PRKCE: variants seen among roughly 807,000 people sequenced by gnomAD.
PRKCE encodes protein kinase C epsilon.
In PRKCE, 16 loss-of-function variants were observed where a neutral mutation model predicts 85.4. That is an observed-to-expected ratio of 0.19 (90% confidence interval 0.13 to 0.28). PRKCE has a LOEUF of 0.28. PRKCE is among the 10% of genes least tolerant of loss of function. The pLI, the probability that PRKCE is intolerant of heterozygous loss-of-function variation, is 1.00. For missense variants in PRKCE, 573 were observed against 975.2 expected (o/e 0.59, Z 5.49); for synonymous variants, 388 against 371.5 (o/e 1.04, Z -0.51).
At position 46,004,835 on chromosome 2, in the gene PRKCE, T is replaced by G. The variant is rs1349811240; in HGVS notation, c.1063+197T>G. Among the ~76,000 whole-genome samples the G allele has an allele frequency of 6.6e-6, 1 of 152,182 alleles. No homozygotes were observed. The highest frequency in any genetic ancestry group is 1.5e-5 in the Non-Finnish European group (1 of 68,034). On this transcript the variant is annotated intron_variant, in intron 8 of 14. Coordinates refer to ENST00000306156, the MANE Select transcript of PRKCE (RefSeq NM_005400.3). This position sits in a 1 kb window ranked among gnomAD's most constrained non-coding sequence, Gnocchi z 4.1. ...ACCTTCTTGAGGGCTGGGCACTCCA[T>G]GGCCATATCTGCCTTAATTTCCTTC...
chr2:45,868,872 C>T (rs1485014096), intron 2 of PRKCE, among the ~76,000 whole-genome samples: 1 of 150,818 alleles, frequency 6.6e-6, no homozygotes, highest in African/African-American at 2.4e-5. Flanking sequence ...ACAGAAGAAT[C>T]TCTTGAATCT....
rs1056869641 is a variant in PRKCE, at chr2:46,138,956, T to C, written c.1593-6137T>C. Among the ~76,000 whole-genome samples, 1 of 152,168 alleles carries C rather than the reference T, an allele frequency of 6.6e-6. No homozygotes were observed. The highest frequency in any genetic ancestry group is 2.4e-5 in the African/African-American group (1 of 41,442). The stretch of plus-strand genomic sequence containing the variant: ...CACCTTCCTATAGCCCACATCCCAG[T>C]TGGCTCTTGGCACTGGGGGAGGAAG... On this transcript the variant is annotated intron_variant, in intron 11 of 14. Coordinates refer to ENST00000306156, the MANE Select transcript of PRKCE (RefSeq NM_005400.3). This position sits in a 1 kb window ranked among gnomAD's most constrained non-coding sequence, Gnocchi z 4.2.
intron 2 of PRKCE, among the ~76,000 whole-genome samples, chr2:45,926,032 C>T (rs1307165140): frequency 6.6e-6 from 1 of 152,238 alleles, no homozygotes; most frequent in African/African-American, 2.4e-5. Flanking sequence ...GTGCCACCCA[C>T]TTTGGCTTGG....
intron 2 of PRKCE, among the ~76,000 whole-genome samples, chr2:45,891,806 C>T (rs1695743086): frequency 6.6e-6 from 1 of 152,214 alleles, no homozygotes; most frequent in Admixed American, 6.5e-5. Context: ...CCATGTGCAC[C>T]TGTTGTTCTT....
At position 46,184,434 on chromosome 2, in the gene PRKCE, AACACACAC is replaced by A. The variant is rs3834107; in HGVS notation, c.2068-280_2068-273del. On this transcript the variant is annotated intron_variant, in intron 14 of 14. Coordinates refer to ENST00000306156, the MANE Select transcript of PRKCE (RefSeq NM_005400.3). The surrounding 1 kb of genome is among the most constrained non-coding windows in gnomAD (Gnocchi z 5.0). Reference sequence around the variant, plus strand: ...GGGACCTTTGCATCATACACACACAAACACACACACACACACACACACACACACGTCTG... The same window carrying A: ...GGGACCTTTGCATCATACACACACAAACACACACACACACACACACGTCTG... Among the ~76,000 whole-genome samples, 16 of 149,196 alleles carry A rather than the reference AACACACAC, an allele frequency of 1.1e-4. No individual in the cohort carries two copies. Among genetic ancestry groups the A allele is most frequent in the South Asian group, 6.4e-4 (3 of 4,674 alleles).
chr2:46,096,652 C>T (rs1009599858), intron 11 of PRKCE, among the ~76,000 whole-genome samples: 3 of 152,200 alleles, frequency 2.0e-5, no homozygotes, highest in African/African-American at 7.2e-5. Flanking sequence ...ACCCTGCCAG[C>T]ACCTTGGTCT....
chr2:45,875,729 T>C (rs1168715268), intron 2 of PRKCE, among the ~76,000 whole-genome samples: 1 of 152,224 alleles, frequency 6.6e-6, no homozygotes, highest in Non-Finnish European at 1.5e-5. Context: ...TCCCTGGAAG[T>C]GTTCACACAA....
chr2:45,765,900 C>G (rs900451130), intron 1 of PRKCE, among the ~76,000 whole-genome samples: 25 of 152,152 alleles, frequency 1.6e-4, no homozygotes, highest in African/African-American at 5.8e-4. Context: ...AAAAGCCTGT[C>G]CAAGTGTAGG....
At chr2:46,127,239 C>T (rs58221252) in intron 11 of PRKCE, among the ~76,000 whole-genome samples, 1,964 of 152,270 alleles carry the variant, frequency 0.013, 44 homozygotes, top group African/African-American at 0.045. Flanking sequence ...TCACTAAAAT[C>T]CTGGATTCTT....
chr2:45,897,329 T>A (rs551616149), intron 2 of PRKCE, among the ~76,000 whole-genome samples: 17 of 152,214 alleles, frequency 1.1e-4, no homozygotes, highest in Non-Finnish European at 2.2e-4. Flanking sequence ...CTGCGGACAC[T>A]GATCTTCCTC....
chr2:45,662,029 C>G (rs1173523037), intron 1 of PRKCE, among the ~76,000 whole-genome samples: 1 of 152,184 alleles, frequency 6.6e-6, no homozygotes, highest in Admixed American at 6.5e-5. Flanking sequence ...CCTCTACCCC[C>G]CTTTAGCTCT....
At chr2:45,689,518 A>T (rs1471615652) in intron 1 of PRKCE, among the ~76,000 whole-genome samples, 1 of 150,640 alleles carries the variant, frequency 6.6e-6, no homozygotes, top group African/African-American at 2.4e-5. Flanking sequence ...GTTTTTATAT[A>T]TTTTATATAT....
At chr2:46,019,507 T>G (rs1053237933) in intron 10 of PRKCE, among the ~76,000 whole-genome samples, 1 of 152,238 alleles carries the variant, frequency 6.6e-6, no homozygotes, top group African/African-American at 2.4e-5. Context: ...CTTAAACATA[T>G]GTATAGCTCA....
intron 1 of PRKCE, among the ~76,000 whole-genome samples, chr2:45,750,393 T>C (rs900575434): frequency 2.6e-5 from 4 of 152,200 alleles, no homozygotes; most frequent in Non-Finnish European, 4.4e-5. Flanking sequence ...TGGCCTTGTG[T>C]GTGTGTCCTG....
intron 1 of PRKCE, among the ~76,000 whole-genome samples, chr2:45,684,147 T>G (rs1436575564): frequency 1.3e-5 from 2 of 152,190 alleles, no homozygotes; most frequent in South Asian, 2.1e-4. Context: ...GAGGTGATGG[T>G]GTCTCTCTAC....
chr2:46,135,745 G>GTTTTTTTTTTTTT, intron 11 of PRKCE, among the ~76,000 whole-genome samples: 1 of 14,904 alleles, frequency 6.7e-5, no homozygotes, highest in Non-Finnish European at 1.2e-4. Flanking sequence ...AACAAATTAT[G>GTTTTTTTTTTTTT]CTTTTTTTTT....
At chr2:46,174,966 C>T (rs1447980045) in intron 14 of PRKCE, among the ~76,000 whole-genome samples, 2 of 152,124 alleles carry the variant, frequency 1.3e-5, no homozygotes, top group Non-Finnish European at 2.9e-5. Context: ...GCTGGGATTA[C>T]AGGCATGAAC....
chr2:45,792,654 C>G (rs1687123087), intron 1 of PRKCE, among the ~76,000 whole-genome samples: 1 of 152,172 alleles, frequency 6.6e-6, no homozygotes, highest in African/African-American at 2.4e-5. Context: ...CGTAGCCTCT[C>G]TGTGCCTGGG....
rs61763778 is a variant in PRKCE, at chr2:45,842,320, G to A, written c.349-680G>A. On this transcript the variant is annotated intron_variant, in intron 1 of 14. Coordinates refer to ENST00000306156, the MANE Select transcript of PRKCE (RefSeq NM_005400.3). The stretch of plus-strand genomic sequence containing the variant: ...CGTCTTCTACACTGATTTCAGGTTC[G>A]TCAGATACTTTATCAGTTCTTCTCT... 7.3e-3 allele frequency among the ~76,000 whole-genome samples: 1,104 copies of A among 152,246 alleles called. 11 individuals carry two copies. Among genetic ancestry groups the A allele is most frequent in the Non-Finnish European group, 0.012 (806 of 68,020 alleles).
Sources: allele counts gnomAD v4.1 joint callset (sites outside exome capture counted in the v4.1 genomes callset), GRCh38; gene constraint gnomAD v4.1.1; non-coding constraint Gnocchi (gnomAD v3.1); transcripts MANE v1.5; gene names NCBI Gene and HGNC (gene_info 2026-07-23, HGNC 2026-07-21).